The following NR2F1-AS1 variants were observed in gnomAD, a reference collection of about 807,000 sequenced individuals.
NR2F1-AS1 encodes NR2F1 regulatory antisense RNA 1.
chr5:93,509,274 T>C (rs974411557), intron 4 of NR2F1-AS1, among the ~76,000 whole-genome samples: 2 of 152,062 alleles, frequency 1.3e-5, no homozygotes, highest in South Asian at 2.1e-4. Context: ...ATGCAAACAA[T>C]AGTATACACC....
At chr5:93,563,605 A>C (rs1299571006) in intron 1 of NR2F1-AS1, 1 of 152,184 alleles carries the variant, frequency 6.6e-6, no homozygotes, top group Non-Finnish European at 1.5e-5. Flanking sequence ...ACAGAAATGA[A>C]AGAAAGTATA....
At chr5:93,483,810 T>C (rs1035972019) in intron 4 of NR2F1-AS1, among the ~76,000 whole-genome samples, 3 of 152,166 alleles carry the variant, frequency 2.0e-5, no homozygotes, top group Non-Finnish European at 4.4e-5. Context: ...GCTTACACAA[T>C]TATCAATAGC....
At chr5:93,547,294 C>A (rs1181206682) in intron 4 of NR2F1-AS1, among the ~76,000 whole-genome samples, 1 of 152,140 alleles carries the variant, frequency 6.6e-6, no homozygotes, top group Non-Finnish European at 1.5e-5. Context: ...GTAGAATGTA[C>A]TAAATGCTAT....
chr5:93,517,403 G>A (rs1040542730), intron 4 of NR2F1-AS1, among the ~76,000 whole-genome samples: 2 of 151,868 alleles, frequency 1.3e-5, no homozygotes, highest in African/African-American at 4.8e-5. Flanking sequence ...GATATCTCCT[G>A]TTAGTTCTTT....
intron 4 of NR2F1-AS1, among the ~76,000 whole-genome samples, chr5:93,413,063 GGTGT>G (rs71613591): frequency 0.1 from 14,418 of 139,120 alleles, 718 homozygotes; most frequent in East Asian, 0.14. Flanking sequence ...ATAGCACTAT[GGTGT>G]GTGTGTGTGT....
chr5:93,462,713 G>A (rs1561450390), intron 4 of NR2F1-AS1, among the ~76,000 whole-genome samples: 1 of 152,184 alleles, frequency 6.6e-6, no homozygotes, highest in Non-Finnish European at 1.5e-5. Flanking sequence ...AGATGGAGAT[G>A]AGCAACTTGT....
intron 1 of NR2F1-AS1, among the ~76,000 whole-genome samples, chr5:93,580,119 G>GC (rs1486277788): frequency 6.6e-6 from 1 of 152,234 alleles, no homozygotes; most frequent in African/African-American, 2.4e-5. Context: ...TGTTAAACGT[G>GC]CGGGTCCCCG....
chr5:93,578,947 G>GAAGA (rs1029620001), intron 1 of NR2F1-AS1, among the ~76,000 whole-genome samples: 3 of 152,166 alleles, frequency 2.0e-5, no homozygotes, highest in Non-Finnish European at 4.4e-5. Context: ...AGAGAGCCTT[G>GAAGA]AAGAAAGAAA....
chr5:93,546,579 AT>A (rs529490892), intron 4 of NR2F1-AS1, among the ~76,000 whole-genome samples: 4 of 151,892 alleles, frequency 2.6e-5, no homozygotes, highest in African/African-American at 7.3e-5. Flanking sequence ...TTTGCATGTC[AT>A]TTTTTTTCAT....
chr5:93,546,139 A>G (rs1752079996), intron 4 of NR2F1-AS1, among the ~76,000 whole-genome samples: 1 of 152,220 alleles, frequency 6.6e-6, no homozygotes, highest in South Asian at 2.1e-4. Flanking sequence ...GAATACAGGA[A>G]TCAGAGAGAA....
chr5:93,578,381 G>A (rs183183281), intron 1 of NR2F1-AS1, among the ~76,000 whole-genome samples: 1 of 152,024 alleles, frequency 6.6e-6, no homozygotes, highest in African/African-American at 2.4e-5. Flanking sequence ...AAGCGGAGCG[G>A]TACCTTCTCA....
At chr5:93,420,141 C>A (rs1220838100) in intron 4 of NR2F1-AS1, among the ~76,000 whole-genome samples, 1 of 152,168 alleles carries the variant, frequency 6.6e-6, no homozygotes, top group East Asian at 1.9e-4. Context: ...TTGTAGTGAG[C>A]CGAGATTGCA....
chr5:93,492,331 G>A (rs779965115), intron 4 of NR2F1-AS1, among the ~76,000 whole-genome samples: 23 of 152,174 alleles, frequency 1.5e-4, no homozygotes, highest in Non-Finnish European at 2.9e-4. Context: ...AGAAAAGTCT[G>A]TGCTACATGG....
intron 4 of NR2F1-AS1, among the ~76,000 whole-genome samples, chr5:93,546,037 G>A (rs1752077660): frequency 6.6e-6 from 1 of 152,192 alleles, no homozygotes; most frequent in Non-Finnish European, 1.5e-5. Context: ...CTGAGTTTGA[G>A]TTCCTGCTCC....
At chr5:93,424,470 C>A (rs114653367) in intron 4 of NR2F1-AS1, among the ~76,000 whole-genome samples, 2,193 of 152,096 alleles carry the variant, frequency 0.014, 61 homozygotes, top group African/African-American at 0.05. Flanking sequence ...CCCATTCTCA[C>A]CCCACATAGA....
At chr5:93,421,260 G>A (rs1243739839) in intron 4 of NR2F1-AS1, among the ~76,000 whole-genome samples, 1 of 151,908 alleles carries the variant, frequency 6.6e-6, no homozygotes, top group Non-Finnish European at 1.5e-5. Flanking sequence ...TGTCTGCACT[G>A]GAAATGTTTC....
chr5:93,507,319 A>C (rs1482127013), intron 4 of NR2F1-AS1, among the ~76,000 whole-genome samples: 1 of 144,758 alleles, frequency 6.9e-6, no homozygotes, highest in East Asian at 2.1e-4. Context: ...GTTTTTTGGG[A>C]TTTGGGGTTT....
At chr5:93,584,482 A>T (rs1025410111), upstream of NR2F1-AS1, 1 of 144,158 alleles carries the variant, frequency 6.9e-6, no homozygotes, top group African/African-American at 2.6e-5. Context: ...GCGGAGGGCG[A>T]GTGTGTGCGC....
intron 4 of NR2F1-AS1, among the ~76,000 whole-genome samples, chr5:93,433,643 T>C (rs971418783): frequency 6.6e-6 from 1 of 152,198 alleles, no homozygotes; most frequent in African/African-American, 2.4e-5. Flanking sequence ...ACTGACTCAG[T>C]ACAAGTGTTA....
Sources: allele counts gnomAD v4.1 joint callset (sites outside exome capture counted in the v4.1 genomes callset), GRCh38; gene constraint gnomAD v4.1.1; transcripts MANE v1.5; gene names NCBI Gene and HGNC (gene_info 2026-07-23, HGNC 2026-07-21).